The following SNN variants were observed in gnomAD, a reference collection of about 807,000 sequenced individuals.
SNN encodes stannin.
A neutral mutation model predicts 5.3 loss-of-function variants in SNN; 5 were observed. That is an observed-to-expected ratio of 0.94 (90% confidence interval 0.49 to 1.97). SNN has a LOEUF of 1.97. Among genes scored for constraint, SNN ranks in the 30% most tolerant of loss-of-function variants. The pLI is 0.01. For synonymous variants in SNN, 67 were observed against 52.1 expected (o/e 1.29, Z -1.24); for missense variants, 127 against 121.6 (o/e 1.04, Z -0.21).
chr16:11,669,782 C>T (rs2050255483), intron 1 of SNN, among the ~76,000 whole-genome samples: 2 of 152,170 alleles, frequency 1.3e-5, no homozygotes, highest in South Asian at 2.1e-4. Flanking sequence ...CGAGGAAGAC[C>T]CCGACTGACC....
intron 1 of SNN, among the ~76,000 whole-genome samples, chr16:11,673,329 C>T (rs2050277958): frequency 6.6e-6 from 1 of 152,062 alleles, no homozygotes; most frequent in South Asian, 2.1e-4. Context: ...GCAGGGCCAC[C>T]GTGGAGCTCA....
At position 11,668,669 on chromosome 16, in the gene SNN, G is replaced by C. The variant is rs2050244684; in HGVS notation, c.-86+129G>C. 6.8e-6 allele frequency: 1 copy of C among 146,926 alleles called. No homozygotes were observed. Among genetic ancestry groups the C allele is most frequent in the Non-Finnish European group, 1.5e-5 (1 of 65,728 alleles). 9.1% of individuals were successfully genotyped at this position (146,926 alleles called of 1,614,324 possible). On this transcript the variant is annotated intron_variant, in intron 1 of 1. Coordinates refer to ENST00000329565, the MANE Select transcript of SNN (RefSeq NM_003498.6). The surrounding 1 kb of genome is among the most constrained non-coding windows in gnomAD (Gnocchi z 6.8). ...GGGCCGGGCCGGGGTCTGCGGGCGG[G>C]GGAGGGGCGGCCCGGCGGGCGCGGC...
Position 11,676,215 on chromosome 16 carries a change from G to T in SNN, c.156G>T (p.Gly52=). The T allele has an allele frequency of 6.2e-7, 1 of 1,614,218 alleles. No individual in the cohort carries two copies. The highest frequency in any genetic ancestry group is 8.5e-7 in the Non-Finnish European group (1 of 1,180,040). ...CAGAGGACGAGGAGAGCATCGTGGGGGATGGGGAGACCAAGGAACCCTTCC... is the reference window on the plus strand; with the variant it reads ...CAGAGGACGAGGAGAGCATCGTGGGTGATGGGGAGACCAAGGAACCCTTCC... ...SQSEDEESIV[G]DGETKEPFLL... Residue 52 remains glycine (G), a synonymous_variant, in exon 2 of 2, where the codon GGG becomes GGT. Transcript: ENST00000329565.
At position 11,677,564 on chromosome 16, in the gene SNN, G is replaced by A. The variant is rs1190355361; in HGVS notation, c.*1238G>A. The A allele has an allele frequency of 1.2e-5, 2 of 167,066 alleles. No homozygotes were observed. The highest frequency in any genetic ancestry group is 4.8e-5 in the African/African-American group (2 of 41,446). The allele number at this position is 167,066 out of a possible 1,614,324, so 10.3% of individuals were successfully genotyped here. The stretch of plus-strand genomic sequence containing the variant: ...CAGGGAGCCGGGGCAGGGCAGAGGT[G>A]AACTTGAAGTTCAGGACTTGACTCT... On this transcript the variant is annotated 3_prime_UTR_variant, in exon 2 of 2. Coordinates refer to ENST00000329565, the MANE Select transcript of SNN (RefSeq NM_003498.6). This position sits in a 1 kb window ranked among gnomAD's most constrained non-coding sequence, Gnocchi z 4.2.
Sources: allele counts gnomAD v4.1 joint callset (sites outside exome capture counted in the v4.1 genomes callset), GRCh38; gene constraint gnomAD v4.1.1; non-coding constraint Gnocchi (gnomAD v3.1); transcripts MANE v1.5; gene names NCBI Gene and HGNC (gene_info 2026-07-23, HGNC 2026-07-21).